Variants in GUK1 observed in about 807,000 individuals in gnomAD.
GUK1 encodes the protein guanylate kinase 1.
In GUK1, 18 loss-of-function variants were observed where a neutral mutation model predicts 25.2. That is an observed-to-expected ratio of 0.71 (90% CI 0.49 to 1.06). The LOEUF is 1.06. Among genes scored for constraint, GUK1 ranks in the 50% least tolerant of loss-of-function variants. The probability of loss-of-function intolerance (pLI) is 0.00; values close to 1 mark genes in which losing one functional copy is unlikely to be tolerated. For synonymous variants in GUK1, 105 were observed against 117.6 expected, an observed-to-expected ratio of 0.89 and a Z score of 0.69; for missense variants, 261 against 276.7, an observed-to-expected ratio of 0.94 and a Z score of 0.40.
Position 228,147,489 on chromosome 1 carries a change from C to T in GUK1, c.335C>T (p.Ala112Val), listed in dbSNP as rs1467136710. 6.2e-7 allele frequency: 1 copy of T among 1,613,210 alleles called. No individual in the cohort carries two copies. Among genetic ancestry groups the T allele is most frequent in the South Asian group, 1.1e-5 (1 of 91,082 alleles). Residue 112 changes from alanine (A) to valine (V), a missense_variant, in exon 6 of 9, where the codon GCC becomes GTC. By Grantham distance (64) the Ala-to-Val change is moderately conservative (BLOSUM62 0). Coordinates refer to ENST00000312726, the MANE Select transcript of GUK1 (RefSeq NM_000858.7). ...CTGCAGGGTGTGCGGAACATCAAGG[C>T]CACCGATCTGCGGCCCATCTACATC...
At position 228,146,971 on chromosome 1, in the gene GUK1, G is replaced by C. The variant is rs774761590; in HGVS notation, c.251+33G>C. ...ATGCGTGGGTGTGGGTGGGCTCCCA[G>C]GGTTGCTGTTGGCAACAGGGATCCA... is the stretch of plus-strand genomic sequence containing the variant. On this transcript the variant is annotated intron_variant, in intron 5 of 8. Transcript: ENST00000312726. 3 of 1,439,124 alleles carry C rather than the reference G, an allele frequency of 2.1e-6. No homozygotes were observed. In the South Asian group the frequency reaches 3.4e-5, roughly 16 times the overall value. 89.1% of individuals were successfully genotyped at this position (1,439,124 alleles called of 1,614,324 possible).
At chr1:228,144,032 A>C (rs2034217903) in intron 2 of GUK1, among the ~76,000 whole-genome samples, 1 of 152,204 alleles carries the variant, frequency 6.6e-6, no homozygotes, top group South Asian at 2.1e-4. Flanking sequence ...TTGCAGGTAC[A>C]CATGTGTGGT....
chr1:228,147,695 G>C lies in GUK1; in HGVS notation c.471G>C (p.Glu157Asp), dbSNP rs756344827. ...TGGCTGCTGCCCAGGCCGACATGGA[G>C]AGCAGTGAGTGTGCCGTGGGATCAC... The change falls in exon 7 of 9, where the codon GAG becomes GAC. Residue 157 changes from glutamate (E) to aspartate (D), a missense_variant. Physicochemically the swap from Glu to Asp is conservative, Grantham distance 45 (BLOSUM62 2). Coordinates refer to ENST00000312726, the MANE Select transcript of GUK1 (RefSeq NM_000858.7). 1 of 1,612,516 alleles carries C rather than the reference G, an allele frequency of 6.2e-7. No individual in the cohort carries two copies. Among genetic ancestry groups the C allele is most frequent in the South Asian group, 1.1e-5 (1 of 91,048 alleles).
At position 228,140,357 on chromosome 1, in the gene GUK1, C is replaced by T. The variant is rs1571877761; in HGVS notation, c.-174C>T. The T allele has an allele frequency of 3.9e-6, 6 of 1,523,166 alleles. No individual in the cohort carries two copies. Among genetic ancestry groups the T allele is most frequent in the Non-Finnish European group, 5.2e-6 (6 of 1,143,624 alleles). The allele number at this position is 1,523,166 out of a possible 1,614,324, so 94.4% of individuals were successfully genotyped here. On this transcript the variant is annotated 5_prime_UTR_variant, in exon 1 of 9. Transcript: ENST00000312726. ...TGCGGCCGCCCTGGGCCGGGCCCCA[C>T]CGGACGGTGAGTACGACAAGCGCGA...
At chr1:228,146,422 T>A in intron 4 of GUK1, 1 of 447,572 alleles carries the variant, frequency 2.2e-6, no homozygotes, top group Non-Finnish European at 4.0e-6. Context: ...CCTGCCTGAT[T>A]CAAGACAAGG....
intron 4 of GUK1, 118 bp downstream of exon 3, chr1:228,146,185 G>A (rs1043445452): frequency 5.7e-6 from 4 of 701,178 alleles, no homozygotes; most frequent in Non-Finnish European, 1.0e-5. Flanking sequence ...TAATCTGTGA[G>A]ATGGGTCCTT....
At chr1:228,147,284 G>A (rs1274865012) in intron 5 of GUK1, 122 bp from the exon 5 acceptor site, 2 of 963,736 alleles carry the variant, frequency 2.1e-6, no homozygotes, top group Non-Finnish European at 1.5e-6. Context: ...GCTGGGTCCA[G>A]GCCAGGCCTA....
At chr1:228,146,390 C>T (rs746829149) in intron 4 of GUK1, 32 of 473,710 alleles carry the variant, frequency 6.8e-5, no homozygotes, top group Middle Eastern at 1.1e-3. Flanking sequence ...CTTCTGGAGT[C>T]CTGGTAAAAA....
intron 5 of GUK1, 53 bp downstream of exon 4, chr1:228,146,991 G>A: frequency 8.5e-7 from 1 of 1,182,940 alleles, no homozygotes; most frequent in Admixed American, 1.7e-5. Flanking sequence ...TGGCAACAGG[G>A]ATCCAGGTAG....
At position 228,147,464 on chromosome 1, in the gene GUK1, C is replaced by G; in HGVS notation, c.310C>G (p.Leu104Val). ...CCGCATCTGTGTGCTGGACGTGGAC[C>G]TGCAGGGTGTGCGGAACATCAAGGC... Residue 104 changes from leucine to valine, a missense_variant, in exon 6 of 9, where the codon CTG becomes GTG. Coordinates refer to ENST00000312726, the MANE Select transcript of GUK1 (RefSeq NM_000858.7). 1 of 1,613,106 alleles carries G rather than the reference C, an allele frequency of 6.2e-7. No individual in the cohort carries two copies. The highest frequency in any genetic ancestry group is 1.7e-5 in the Admixed American group (1 of 60,026).
intron 2 of GUK1, among the ~76,000 whole-genome samples, chr1:228,142,436 C>T (rs1469666028): frequency 6.6e-6 from 1 of 152,086 alleles, no homozygotes; most frequent in Non-Finnish European, 1.5e-5. Flanking sequence ...GCTGGGTGAA[C>T]TGGTGTCTTC....
rs766712203 is a variant in GUK1 at position 228,146,006 on chromosome 1, G to A, written c.113-20G>A. 45 of 1,601,220 alleles carry A rather than the reference G, an allele frequency of 2.8e-5. No homozygotes were observed. The South Asian group carries it at 4.8e-4, about 17-fold the overall frequency. On this transcript the variant is annotated intron_variant, in intron 3 of 8. Transcript: ENST00000312726. ...TTGGGCTCCGAGCAGCCCCCGATGG[G>A]TGACAGGTCTCTCTGCTAGATACCA...
intron 2 of GUK1, among the ~76,000 whole-genome samples, chr1:228,142,765 C>G (rs538198457): frequency 6.6e-6 from 1 of 152,172 alleles, no homozygotes; most frequent in African/African-American, 2.4e-5. Context: ...GGAAGTGAGG[C>G]ACGAGCTCCC....
At chr1:228,147,753 A>G (rs2034467753) in intron 7 of GUK1, 54 bp downstream of exon 6, 3 of 1,528,372 alleles carry the variant, frequency 2.0e-6, no homozygotes, top group Non-Finnish European at 2.7e-6. Context: ...CAGGGTTCTG[A>G]GGTCTGTGGC....
chr1:228,140,380 C>G lies in GUK1; in HGVS notation c.-168+17C>G. 6.7e-7 allele frequency: 1 copy of G among 1,500,150 alleles called. No individual in the cohort carries two copies. Among genetic ancestry groups the G allele is most frequent in the Non-Finnish European group, 8.8e-7 (1 of 1,130,750 alleles). 92.9% of individuals were successfully genotyped at this position (1,500,150 alleles called of 1,614,324 possible). ...CACCGGACGGTGAGTACGACAAGCG[C>G]GATCGCGAGGGTGACTCGGGTCGAG... On this transcript the variant is annotated intron_variant, in intron 1 of 8. Coordinates refer to ENST00000312726, the MANE Select transcript of GUK1 (RefSeq NM_000858.7).
rs575750582 is a variant in GUK1 at position 228,146,935 on chromosome 1, C to T, written c.248C>T (p.Thr83Met). 70 of 1,609,642 alleles carry T rather than the reference C, an allele frequency of 4.3e-5. No homozygotes were observed. The highest frequency in any genetic ancestry group is 1.7e-4 in the Admixed American group (10 of 60,028). The change falls in exon 5 of 9, where the codon ACG becomes ATG. Residue 83 changes from threonine to methionine, a missense_variant. Physicochemically the swap from Thr to Met is moderately conservative, Grantham distance 81 (BLOSUM62 -1). Coordinates refer to ENST00000312726, the MANE Select transcript of GUK1 (RefSeq NM_000858.7). ...GAGTTCTCGGGGAACCTGTATGGCA[C>T]GAGGTGGGCCATGCGTGGGTGTGGG...
chr1:228,142,126 C>T (rs1264148929), intron 2 of GUK1, among the ~76,000 whole-genome samples: 1 of 115,860 alleles, frequency 8.6e-6, no homozygotes. Context: ...GCAGCCTGTG[C>T]CTCCGCCCTG....
chr1:228,148,499 G>A, intron 8 of GUK1, 43 bp downstream of exon 7: 6 of 1,487,602 alleles, frequency 4.0e-6, no homozygotes, highest in Non-Finnish European at 5.5e-6. Flanking sequence ...CCCAAGGGGA[G>A]GCCTGGGGGC....
rs374338682 is a variant in GUK1 at position 228,147,640 on chromosome 1, C to T, written c.416C>T (p.Thr139Ile). 3.1e-6 allele frequency: 5 copies of T among 1,612,944 alleles called. No homozygotes were observed. The highest frequency in any genetic ancestry group is 1.3e-5 in the African/African-American group (1 of 74,918). The stretch of plus-strand genomic sequence containing the variant: ...GAGCAGCGGCTGCGGCAGCGCAACA[C>T]TGAAACCGAGGAGAGCCTGGTGAAG... Residue 139 changes from threonine (T) to isoleucine (I), a missense_variant, in exon 7 of 9, where the codon ACT (threonine) becomes ATT (isoleucine). By Grantham distance (89) the Thr-to-Ile change is moderately conservative. Coordinates refer to ENST00000312726, the MANE Select transcript of GUK1 (RefSeq NM_000858.7).
Sources: allele counts gnomAD v4.1 joint callset (sites outside exome capture counted in the v4.1 genomes callset), GRCh38; gene constraint gnomAD v4.1.1; transcripts MANE v1.5; gene names NCBI Gene and HGNC (gene_info 2026-07-23, HGNC 2026-07-21).